The following KIAA1755 variants were observed in gnomAD, a reference collection of about 807,000 sequenced individuals.
KIAA1755 encodes the protein uncharacterized protein KIAA1755.
Under a neutral mutation model 91.7 loss-of-function variants are expected in KIAA1755, and 68 were observed. The observed-to-expected ratio is 0.74, with a 90% CI of 0.61 to 0.91. The LOEUF (loss-of-function observed/expected upper bound fraction) is 0.91, where lower values mean the gene tolerates loss of function less well. Ranked by LOEUF, KIAA1755 falls within the 40% of genes least tolerant of loss-of-function variation. KIAA1755 has a pLI of 0.00. For synonymous variants in KIAA1755, 610 were observed against 604.6 expected (o/e 1.01, Z -0.13); for missense variants, 1,535 against 1,494.4 (o/e 1.03, Z -0.45).
At position 38,256,877 on chromosome 20, in the gene KIAA1755, G is replaced by A. The variant is rs191283483; in HGVS notation, c.3+3621C>T. 1.8e-4 allele frequency among the ~76,000 whole-genome samples: 27 copies of A among 152,236 alleles called. No homozygotes were observed. In the East Asian group the frequency reaches 4.6e-3, roughly 26 times the overall value. On this transcript the variant is annotated intron_variant, in intron 1 of 13. Coordinates refer to ENST00000279024, the MANE Select transcript of KIAA1755 (RefSeq NM_001029864.2). ...TAAATTCCTTCCTAATACTCATTAA[G>A]ATGAAAAGCTGTAAACTAAAAATTG...
In KIAA1755 at chr20:38,213,274, C is replaced by T. The variant is rs1411446505; in HGVS notation, c.3371G>A (p.Gly1124Asp). The T allele has an allele frequency of 1.2e-6, 2 of 1,613,656 alleles. No homozygotes were observed. The highest frequency in any genetic ancestry group is 1.7e-6 in the Non-Finnish European group (2 of 1,179,960). ...RGEQNRTFQA[G>D]SPPQEAGQAA... ...CTGGCCAGCTTCCTGGGGTGGAGAGCCTGCCTGGAAAGTTCTGTTCTGTTC... is the reference window on the plus strand; with the variant it reads ...CTGGCCAGCTTCCTGGGGTGGAGAGTCTGCCTGGAAAGTTCTGTTCTGTTC... The change falls in exon 14 of 14, where the codon GGC becomes GAC. Residue 1124 changes from glycine to aspartate, a missense_variant. Coordinates refer to ENST00000279024, the MANE Select transcript of KIAA1755 (RefSeq NM_001029864.2).
intron 1 of KIAA1755, among the ~76,000 whole-genome samples, chr20:38,247,552 T>C (rs907945739): frequency 4.6e-5 from 7 of 152,214 alleles, no homozygotes; most frequent in African/African-American, 1.7e-4. Flanking sequence ...ATAGTACCCC[T>C]ATTACAGCGG....
chr20:38,218,323 G>A lies in KIAA1755; in HGVS notation c.2600C>T (p.Ser867Leu). 6.2e-7 allele frequency: 1 copy of A among 1,614,232 alleles called. No individual in the cohort carries two copies. The highest frequency in any genetic ancestry group is 8.5e-7 in the Non-Finnish European group (1 of 1,180,044). The change falls in exon 12 of 14, where the codon TCA (serine) becomes TTA (leucine). Residue 867 changes from serine (S) to leucine (L), a missense_variant. Ser to Leu is a moderately radical substitution (Grantham distance 145). Coordinates refer to ENST00000279024, the MANE Select transcript of KIAA1755 (RefSeq NM_001029864.2). ...MEQEGRRCLQ[S>L]LTPKDGSLET... Reference sequence around the variant, plus strand: ...CAAACTTCCATCCTTGGGGGTCAGTGATTGCAGGCACCGCCTTCCTTCCTG... The same window carrying A: ...CAAACTTCCATCCTTGGGGGTCAGTAATTGCAGGCACCGCCTTCCTTCCTG...
chr20:38,256,257 T>G (rs2076337345), intron 1 of KIAA1755, among the ~76,000 whole-genome samples: 6 of 152,084 alleles, frequency 3.9e-5, no homozygotes, highest in Admixed American at 3.9e-4. Flanking sequence ...CTCAACAACC[T>G]CGGGTGGCTC....
intron 1 of KIAA1755, among the ~76,000 whole-genome samples, chr20:38,259,862 A>G (rs976047035): frequency 6.7e-6 from 1 of 149,288 alleles, no homozygotes; most frequent in Non-Finnish European, 1.5e-5. Flanking sequence ...ACATTCTCCC[A>G]GAATGTCTCA....
chr20:38,233,941 T>C (rs1287452764), intron 4 of KIAA1755: 3 of 152,188 alleles, frequency 2.0e-5, no homozygotes, highest in Admixed American at 6.5e-5. Flanking sequence ...ATGAGGTTAC[T>C]GTGGGCCCTA....
chr20:38,228,724 G>A (rs187653135), intron 5 of KIAA1755, among the ~76,000 whole-genome samples: 15 of 152,236 alleles, frequency 9.9e-5, no homozygotes, highest in Non-Finnish European at 7.4e-5. Context: ...GATATGTGAG[G>A]GAAAGTTTTC....
intron 1 of KIAA1755, among the ~76,000 whole-genome samples, chr20:38,253,367 A>G (rs540715035): frequency 1.3e-5 from 2 of 152,346 alleles, no homozygotes; most frequent in East Asian, 3.9e-4. Context: ...ATGAGCTGCT[A>G]TTATTATAAT....
chr20:38,260,114 C>T, intron 1 of KIAA1755: 1 of 1,063,480 alleles, frequency 9.4e-7, no homozygotes. Context: ...ACCACTCTTC[C>T]CCATCCAAAC....
chr20:38,216,889 T>C, intron 13 of KIAA1755: 2 of 505,158 alleles, frequency 4.0e-6, no homozygotes, highest in South Asian at 3.1e-5. Context: ...TGAAGGGATC[T>C]GTCGTCATTT....
At chr20:38,255,188 A>T (rs891300788) in intron 1 of KIAA1755, among the ~76,000 whole-genome samples, 5 of 152,024 alleles carry the variant, frequency 3.3e-5, no homozygotes, top group African/African-American at 1.2e-4. Context: ...AAAAAAAAAA[A>T]ATCTGTCTCT....
At chr20:38,245,159 T>G (rs2123267712) in intron 2 of KIAA1755, among the ~76,000 whole-genome samples, 3 of 152,336 alleles carry the variant, frequency 2.0e-5, no homozygotes, top group Admixed American at 2.0e-4. Flanking sequence ...GACCCAAGCC[T>G]GGCCAATCAG....
Position 38,212,971 on chromosome 20 carries a change from C to G in KIAA1755, c.*71G>C. On this transcript the variant is annotated 3_prime_UTR_variant, in exon 14 of 14. Transcript: ENST00000279024. ...CGTCTCACTGGGACTGACCAGAGCT[C>G]CCAGCTACCCCTCCAGCTGGGCCCT... The G allele has an allele frequency of 1.6e-6, 2 of 1,253,320 alleles. No individual in the cohort carries two copies. Among genetic ancestry groups the G allele is most frequent in the Non-Finnish European group, 2.2e-6 (2 of 909,550 alleles). 77.6% of individuals were successfully genotyped at this position (1,253,320 alleles called of 1,614,324 possible). A position where few individuals can be genotyped will look rare whatever the true frequency, so the allele number is the denominator to read the frequency against.
At chr20:38,236,546 C>G (rs2075963873) in intron 4 of KIAA1755, among the ~76,000 whole-genome samples, 1 of 152,018 alleles carries the variant, frequency 6.6e-6, no homozygotes, top group Non-Finnish European at 1.5e-5. Context: ...AAAATTGTGG[C>G]CAGTGAGGTG....
chr20:38,230,471 G>A (rs1317405452), intron 5 of KIAA1755, among the ~76,000 whole-genome samples: 1 of 152,148 alleles, frequency 6.6e-6, no homozygotes, highest in Non-Finnish European at 1.5e-5. Flanking sequence ...TTATCACCGG[G>A]AAATTTGTTA....
chr20:38,246,455 G>A (rs2076162616), intron 1 of KIAA1755, among the ~76,000 whole-genome samples: 1 of 144,304 alleles, frequency 6.9e-6, no homozygotes, highest in Non-Finnish European at 1.5e-5. Context: ...GAGGAATAGG[G>A]GTGGGGGGTG....
Position 38,212,993 on chromosome 20 carries a change from C to T in KIAA1755, c.*49G>A. 6.9e-7 allele frequency: 1 copy of T among 1,447,444 alleles called. No homozygotes were observed. Among genetic ancestry groups the T allele is most frequent in the Non-Finnish European group, 9.3e-7 (1 of 1,076,254 alleles). 89.7% of individuals were successfully genotyped at this position (1,447,444 alleles called of 1,614,324 possible). On this transcript the variant is annotated 3_prime_UTR_variant, in exon 14 of 14. Transcript: ENST00000279024. ...GCTCCCAGCTACCCCTCCAGCTGGG[C>T]CCTGGCCCAGTGCTCCTGGAGGCTG... is the stretch of plus-strand genomic sequence containing the variant.
rs201601539 is a variant in KIAA1755 at position 38,222,518 on chromosome 20, C to T, written c.2348G>A (p.Arg783Gln). ...CCTGGCCAGGGTGGCTCCACCTTCC[C>T]GCTGGAGGCCCAGTAGGCCGGGGTC... is the stretch of plus-strand genomic sequence containing the variant. ...LRDPGLLGLQ[R>Q]EGGATLARLQ... is the part of the protein sequence containing the mutation. The change falls in exon 10 of 14, where the codon CGG becomes CAG. Residue 783 changes from arginine (R) to glutamine (Q), a missense_variant. Transcript: ENST00000279024. 75 of 1,613,638 alleles carry T rather than the reference C, an allele frequency of 4.6e-5. 2 individuals are homozygous for T. The Middle Eastern group carries it at 1.2e-3, about 25-fold the overall frequency.
chr20:38,260,497 C>A lies in KIAA1755; in HGVS notation c.3+1G>T. ...AGGTGGTCCAGGCCTTGGCGCGTTACCATGGTGACGGGCTGCCAGCGGCGG... is the reference window on the plus strand; with the variant it reads ...AGGTGGTCCAGGCCTTGGCGCGTTAACATGGTGACGGGCTGCCAGCGGCGG... On this transcript the variant is annotated splice_donor_variant, in intron 1 of 13. Coordinates refer to ENST00000279024, the MANE Select transcript of KIAA1755 (RefSeq NM_001029864.2). LOFTEE classifies it high-confidence loss of function. 1 of 1,482,970 alleles carries A rather than the reference C, an allele frequency of 6.7e-7. No individual in the cohort carries two copies. The highest frequency in any genetic ancestry group is 1.4e-5 in the African/African-American group (1 of 70,140). 91.9% of individuals were successfully genotyped at this position (1,482,970 alleles called of 1,614,324 possible). A position where few individuals can be genotyped will look rare whatever the true frequency, so the allele number is the denominator to read the frequency against.
Sources: allele counts gnomAD v4.1 joint callset (sites outside exome capture counted in the v4.1 genomes callset), GRCh38; gene constraint gnomAD v4.1.1; transcripts MANE v1.5; gene names NCBI Gene and HGNC (gene_info 2026-07-23, HGNC 2026-07-21).